LRRN3: variants seen among roughly 807,000 people sequenced by gnomAD.
LRRN3 encodes leucine-rich repeat neuronal protein 3.
LRRN3 carries 15 observed loss-of-function variants against 40.1 expected under a neutral mutation model. The ratio of observed to expected loss-of-function variants is 0.37; its 90% CI spans 0.25 to 0.58. The LOEUF (loss-of-function observed/expected upper bound fraction) is 0.58, where lower values mean the gene tolerates loss of function less well. Ranked by LOEUF, LRRN3 falls within the 20% of genes least tolerant of loss-of-function variation. The probability of loss-of-function intolerance (pLI) is 0.72; values close to 1 mark genes in which losing one functional copy is unlikely to be tolerated. For synonymous variants in LRRN3, 308 were observed against 297.2 expected (o/e 1.04, Z -0.37); for missense variants, 746 against 837.7 (o/e 0.89, Z 1.35).
At chr7:111,103,913 G>T (rs1586286737) in intron 2 of LRRN3, among the ~76,000 whole-genome samples, 1 of 151,616 alleles carries the variant, frequency 6.6e-6, no homozygotes, top group East Asian at 1.9e-4. Flanking sequence ...TGCTTCTATT[G>T]AACACCATTT....
At chr7:111,111,498 T>C (rs1799200165) in intron 2 of LRRN3, among the ~76,000 whole-genome samples, 1 of 151,836 alleles carries the variant, frequency 6.6e-6, no homozygotes, top group South Asian at 2.1e-4. Flanking sequence ...ATGTATTTCA[T>C]TTACTATGCC....
At chr7:111,117,903 G>A (rs60640964) in intron 2 of LRRN3, among the ~76,000 whole-genome samples, 2,202 of 152,116 alleles carry the variant, frequency 0.014, 65 homozygotes, top group African/African-American at 0.051. Context: ...ACATAATAAA[G>A]TGCAAAGAAG....
rs147507361 is a variant in LRRN3 at position 111,094,402 on chromosome 7, G to A, written c.-441+2898G>A. On this transcript the variant is annotated intron_variant, in intron 1 of 2. Transcript: ENST00000308478. ...TCCTACTTCTAGCCTCAGTAAGGATGCTCCTCTAAAATGATTTAAAATAAT... is the reference window on the plus strand; with the variant it reads ...TCCTACTTCTAGCCTCAGTAAGGATACTCCTCTAAAATGATTTAAAATAAT... Among the ~76,000 whole-genome samples, 58 of 152,194 alleles carry A rather than the reference G, an allele frequency of 3.8e-4. 1 individual carries two copies. Among genetic ancestry groups the A allele is most frequent in the Middle Eastern group, 6.8e-3 (2 of 294 alleles).
chr7:111,098,239 T>A (rs950842638), intron 1 of LRRN3, among the ~76,000 whole-genome samples: 1 of 151,828 alleles, frequency 6.6e-6, no homozygotes, highest in African/African-American at 2.4e-5. Context: ...TTTGTTCCTC[T>A]TATTGTCATT....
intron 2 of LRRN3, among the ~76,000 whole-genome samples, chr7:111,102,475 C>T (rs1368214292): frequency 2.0e-5 from 3 of 151,530 alleles, no homozygotes; most frequent in Admixed American, 6.6e-5. Flanking sequence ...ATTTTATTGA[C>T]AGTAATGTGT....
At chr7:111,098,741 T>G (rs1428702397) in intron 1 of LRRN3, among the ~76,000 whole-genome samples, 28 of 151,700 alleles carry the variant, frequency 1.8e-4, no homozygotes. Flanking sequence ...AAATAAGGCT[T>G]AGAGAAGAAA....
chr7:111,114,027 TAA>T (rs1799546936), intron 2 of LRRN3, among the ~76,000 whole-genome samples: 2 of 152,136 alleles, frequency 1.3e-5, no homozygotes, highest in Middle Eastern at 3.4e-3. Context: ...TTGATAGAAA[TAA>T]AGAGTGGACA....
chr7:111,116,598 C>T (rs1270195119), intron 2 of LRRN3, among the ~76,000 whole-genome samples: 1 of 152,052 alleles, frequency 6.6e-6, no homozygotes, highest in Non-Finnish European at 1.5e-5. Flanking sequence ...AACTTGAAAA[C>T]AAGAGTAAAA....
chr7:111,092,889 C>T (rs904454273), intron 1 of LRRN3, among the ~76,000 whole-genome samples: 2 of 152,164 alleles, frequency 1.3e-5, no homozygotes, highest in Admixed American at 6.5e-5. Flanking sequence ...TTCAACTAAC[C>T]ACACAGTTAA....
intron 2 of LRRN3, among the ~76,000 whole-genome samples, chr7:111,113,751 T>G (rs1375743575): frequency 6.6e-6 from 1 of 152,144 alleles, no homozygotes; most frequent in East Asian, 1.9e-4. Context: ...CAAGGCACAA[T>G]GTAAGTCTGT....
chr7:111,110,254 C>A (rs1206620465), intron 2 of LRRN3, among the ~76,000 whole-genome samples: 1 of 152,092 alleles, frequency 6.6e-6, no homozygotes, highest in Non-Finnish European at 1.5e-5. Context: ...AAATGATATT[C>A]TTTTTCAAAT....
intron 2 of LRRN3, among the ~76,000 whole-genome samples, chr7:111,104,805 G>A (rs978487515): frequency 6.6e-6 from 1 of 151,702 alleles, no homozygotes; most frequent in Non-Finnish European, 1.5e-5. Context: ...ACCCAGCCTC[G>A]CATCTCATTG....
chr7:111,104,457 T>G (rs1450455766), intron 2 of LRRN3, among the ~76,000 whole-genome samples: 1 of 151,876 alleles, frequency 6.6e-6, no homozygotes, highest in African/African-American at 2.4e-5. Context: ...TATTTTGATA[T>G]GATGTCACTT....
In LRRN3 at chr7:111,115,835, C is replaced by A. The variant is rs145801222; in HGVS notation, c.-358-6580C>A. Among the ~76,000 whole-genome samples the A allele has an allele frequency of 8.9e-4, 135 of 151,964 alleles. 3 individuals carry two copies. In the East Asian group the frequency reaches 0.025, roughly 28 times the overall value. ...GATGTGCACCACCAACTCTAGCACA[C>A]CTGGCTAATTTTTGTATTTTTACTA... On this transcript the variant is annotated intron_variant, in intron 2 of 2. Coordinates refer to ENST00000308478, the MANE Select transcript of LRRN3 (RefSeq NM_001099658.2).
At chr7:111,111,378 C>T (rs966899635) in intron 2 of LRRN3, among the ~76,000 whole-genome samples, 4 of 150,238 alleles carry the variant, frequency 2.7e-5, no homozygotes, top group African/African-American at 4.9e-5. Context: ...ATTTGGTAGG[C>T]ATCACAAATT....
intron 2 of LRRN3, among the ~76,000 whole-genome samples, chr7:111,107,259 T>C (rs973885647): frequency 6.6e-6 from 1 of 152,010 alleles, no homozygotes; most frequent in Non-Finnish European, 1.5e-5. Flanking sequence ...GAAGAAAAGT[T>C]TTTATATAAA....
chr7:111,124,794 T>C lies in LRRN3; in HGVS notation c.2022T>C (p.Gly674=). The C allele has an allele frequency of 6.2e-7, 1 of 1,613,490 alleles. No individual in the cohort carries two copies. Among genetic ancestry groups the C allele is most frequent in the South Asian group, 1.1e-5 (1 of 91,072 alleles). Residue 674 remains glycine, a synonymous_variant, in exon 3 of 3, where the codon GGT becomes GGC. Coordinates refer to ENST00000308478, the MANE Select transcript of LRRN3 (RefSeq NM_001099658.2). ...NYLQKPTFAL[G]ELYPPLINLW... ...TACAGAAACCAACCTTTGCATTAGG[T>C]GAGCTTTATCCTCCTCTGATAAATC...
intron 2 of LRRN3, among the ~76,000 whole-genome samples, chr7:111,110,587 T>G (rs1026164097): frequency 6.6e-6 from 1 of 152,172 alleles, no homozygotes; most frequent in African/African-American, 2.4e-5. Context: ...ACTACATAAC[T>G]GTCTTGAAGA....
chr7:111,114,133 TACACACACAC>T (rs71151831), intron 2 of LRRN3, among the ~76,000 whole-genome samples: 3 of 146,664 alleles, frequency 2.0e-5, no homozygotes, highest in East Asian at 2.0e-4. Flanking sequence ...CACATAAATC[TACACACACAC>T]ACACACACAC....
Sources: allele counts gnomAD v4.1 joint callset (sites outside exome capture counted in the v4.1 genomes callset), GRCh38; gene constraint gnomAD v4.1.1; transcripts MANE v1.5; gene names NCBI Gene and HGNC (gene_info 2026-07-23, HGNC 2026-07-21).